Variants in TENM3 observed in about 807,000 individuals in gnomAD.
The protein encoded by TENM3 is teneurin transmembrane protein 3.
In TENM3, 63 loss-of-function variants were observed where a neutral mutation model predicts 255.1. The ratio of observed to expected loss-of-function variants is 0.25; its 90% CI spans 0.20 to 0.30. The LOEUF (loss-of-function observed/expected upper bound fraction) is 0.30, where lower values mean the gene tolerates loss of function less well. TENM3 is among the 10% of genes least tolerant of loss of function. The pLI is 1.00. For missense variants in TENM3, 2,929 were observed against 3,461.1 expected, an observed-to-expected ratio of 0.85 and a Z score of 3.86; for synonymous variants, 1,306 against 1,322.3, an observed-to-expected ratio of 0.99 and a Z score of 0.27.
chr4:181,943,313 T>G, the TENM3 span, among the ~76,000 whole-genome samples: 1 of 152,100 alleles, frequency 6.6e-6, no homozygotes, highest in Non-Finnish European at 1.5e-5. Context: ...CTGGGTAGTT[T>G]CTATGTGTCT....
chr4:182,130,490 AAATT>A, the TENM3 span, among the ~76,000 whole-genome samples: 1 of 152,210 alleles, frequency 6.6e-6, no homozygotes, highest in Admixed American at 6.5e-5. Context: ...ACAGTGCAAT[AAATT>A]AAGGCTTCAC....
At chr4:182,554,248 A>G (rs1742365179) in intron 3 of TENM3, among the ~76,000 whole-genome samples, 1 of 152,148 alleles carries the variant, frequency 6.6e-6, no homozygotes, top group Non-Finnish European at 1.5e-5. Flanking sequence ...TGCAATGCCA[A>G]AGCTCTATTT....
the TENM3 span, among the ~76,000 whole-genome samples, chr4:181,917,554 C>G: frequency 9.1e-3 from 1,374 of 151,776 alleles, 14 homozygotes; most frequent in African/African-American, 0.032. Flanking sequence ...GAGCTGGGAG[C>G]AAGAGTTCTG....
the TENM3 span, among the ~76,000 whole-genome samples, chr4:182,021,122 G>A: frequency 1.3e-5 from 2 of 152,072 alleles, no homozygotes; most frequent in East Asian, 1.9e-4. Context: ...ATGTTTATAT[G>A]TACCCAATGT....
intron 3 of TENM3, among the ~76,000 whole-genome samples, chr4:182,448,493 G>C (rs1164403172): frequency 6.6e-6 from 1 of 152,224 alleles, no homozygotes; most frequent in Non-Finnish European, 1.5e-5. Flanking sequence ...CCTCGGATGC[G>C]GGACGCATGA....
At chr4:182,470,504 G>C (rs938037877) in intron 3 of TENM3, among the ~76,000 whole-genome samples, 5 of 152,052 alleles carry the variant, frequency 3.3e-5, no homozygotes, top group African/African-American at 7.2e-5. Flanking sequence ...CCATAGAATA[G>C]GATGTATGTA....
intron 3 of TENM3, among the ~76,000 whole-genome samples, chr4:182,563,293 G>C (rs1232827445): frequency 6.6e-6 from 1 of 152,134 alleles, no homozygotes; most frequent in African/African-American, 2.4e-5. Flanking sequence ...AGCCAGGTAT[G>C]ATGGTGTATG....
chr4:182,581,360 T>C (rs747984475), intron 3 of TENM3, among the ~76,000 whole-genome samples: 9 of 152,098 alleles, frequency 5.9e-5, no homozygotes, highest in Non-Finnish European at 1.2e-4. Context: ...GATAGTAAAT[T>C]GTGGAAATAA....
At chr4:181,481,371 A>G in the TENM3 span, among the ~76,000 whole-genome samples, 291 of 152,172 alleles carry the variant, frequency 1.9e-3, 1 homozygote, top group African/African-American at 6.7e-3. Flanking sequence ...TATAGAGAGA[A>G]CTCTTCAAAG....
rs1344400477 is a variant in TENM3 at position 182,161,824 on chromosome 4, TAC to T, written c.-76+17074_-76+17075del. The stretch of plus-strand genomic sequence containing the variant: ...ATATACACATATATATGTATATATA[TAC>T]ACATATATATGTGTATATATACACA... On this transcript the variant is annotated intron_variant, in intron 1 of 2. Transcript: ENST00000512480. Among the ~76,000 whole-genome samples the T allele has an allele frequency of 5.6e-4, 19 of 34,142 alleles. 2 individuals carry two copies. The highest frequency in any genetic ancestry group is 1.5e-3 in the African/African-American group (17 of 11,406). The allele number at this position is 34,142 out of a possible 152,430, so 22.4% of individuals were successfully genotyped here. A position where few individuals can be genotyped will look rare whatever the true frequency, so the allele number is the denominator to read the frequency against.
At chr4:182,384,860 A>G (rs1005576910) in intron 3 of TENM3, among the ~76,000 whole-genome samples, 7 of 151,830 alleles carry the variant, frequency 4.6e-5, no homozygotes, top group African/African-American at 1.7e-4. Flanking sequence ...GTATTTGGCT[A>G]CAGTGTTTAA....
chr4:182,266,009 T>C (rs1294520370), intron 1 of TENM3, among the ~76,000 whole-genome samples: 3 of 152,220 alleles, frequency 2.0e-5, no homozygotes, highest in Non-Finnish European at 4.4e-5. Flanking sequence ...CCTTAAAATT[T>C]ACCTACCTTA....
chr4:182,713,841 A>C (rs925891383), intron 12 of TENM3, among the ~76,000 whole-genome samples: 4 of 152,192 alleles, frequency 2.6e-5, no homozygotes, highest in African/African-American at 9.7e-5. Flanking sequence ...GCAGCTATTT[A>C]GTGGATCGTT....
At chr4:182,485,457 G>C (rs186044224) in intron 3 of TENM3, among the ~76,000 whole-genome samples, 10 of 152,076 alleles carry the variant, frequency 6.6e-5, no homozygotes, top group Admixed American at 2.6e-4. Flanking sequence ...TTTCAATCCT[G>C]ACCAAGCAAT....
At chr4:181,450,768 A>G in the TENM3 span, among the ~76,000 whole-genome samples, 5 of 152,190 alleles carry the variant, frequency 3.3e-5, no homozygotes, top group Non-Finnish European at 7.3e-5. Flanking sequence ...TCTAGAACTA[A>G]TGTTTTCATA....
chr4:182,639,684 G>A (rs1752129312), intron 5 of TENM3, among the ~76,000 whole-genome samples: 1 of 152,166 alleles, frequency 6.6e-6, no homozygotes, highest in Admixed American at 6.5e-5. Context: ...GACAAAATGA[G>A]AAATGAATTC....
chr4:181,726,045 G>A, the TENM3 span, among the ~76,000 whole-genome samples: 4 of 151,846 alleles, frequency 2.6e-5, no homozygotes, highest in African/African-American at 9.7e-5. Flanking sequence ...ATGATAGAAT[G>A]AGAGAGAATT....
the TENM3 span, among the ~76,000 whole-genome samples, chr4:181,520,586 C>G: frequency 1.3e-5 from 2 of 151,906 alleles, no homozygotes. Context: ...GAAATAACCA[C>G]GAAAACCACT....
At chr4:182,535,087 A>G (rs900758237) in intron 3 of TENM3, among the ~76,000 whole-genome samples, 2 of 152,168 alleles carry the variant, frequency 1.3e-5, no homozygotes, top group African/African-American at 2.4e-5. Context: ...TAGCCTTTTA[A>G]TACATACAGG....
Sources: allele counts gnomAD v4.1 joint callset (sites outside exome capture counted in the v4.1 genomes callset), GRCh38; gene constraint gnomAD v4.1.1; transcripts MANE v1.5; gene names NCBI Gene and HGNC (gene_info 2026-07-23, HGNC 2026-07-21).